Variants in CARS2 observed in about 807,000 individuals in gnomAD.
CARS2 encodes the protein cysteinyl-tRNA synthetase 2, mitochondrial.
CARS2 carries 52 observed loss-of-function variants against 68.8 expected under a neutral mutation model. The ratio of observed to expected loss-of-function variants is 0.76; its 90% CI spans 0.61 to 0.95. The LOEUF is 0.95. Ranked by LOEUF, CARS2 falls within the 40% of genes least tolerant of loss-of-function variation. The pLI, the probability that CARS2 is intolerant of heterozygous loss-of-function variation, is 0.00. For missense variants in CARS2, 780 were observed against 754.2 expected, an observed-to-expected ratio of 1.03 and a Z score of -0.40; for synonymous variants, 314 against 303.6, an observed-to-expected ratio of 1.03 and a Z score of -0.36.
chr13:110,701,302 G>T, intron 3 of CARS2, 136 bp downstream of exon 3: 1 of 597,952 alleles, frequency 1.7e-6, no homozygotes, highest in Non-Finnish European at 3.0e-6. Flanking sequence ...GACCTCAAGT[G>T]ATCCACCTGT....
intron 9 of CARS2, 82 bp from the exon 10 acceptor site, chr13:110,651,182 T>A: frequency 1.1e-6 from 1 of 933,472 alleles, no homozygotes. Flanking sequence ...TTTCTACAAT[T>A]ACATAAGTTA....
At chr13:110,683,783 G>A (rs1233050431) in intron 5 of CARS2, among the ~76,000 whole-genome samples, 1 of 152,200 alleles carries the variant, frequency 6.6e-6, no homozygotes, top group Non-Finnish European at 1.5e-5. Flanking sequence ...TTGGGAGTCC[G>A]AGGCAGGAGG....
At chr13:110,656,446 G>A (rs9670064) in intron 9 of CARS2, among the ~76,000 whole-genome samples, 8,137 of 152,248 alleles carry the variant, frequency 0.053, 276 homozygotes, top group East Asian at 0.12. Flanking sequence ...CTTTAGTGGG[G>A]TGCAGTCCAC....
At chr13:110,712,438 C>T (rs1258332507) in intron 1 of CARS2, 11 of 191,084 alleles carry the variant, frequency 5.8e-5, no homozygotes, top group South Asian at 3.6e-4. Flanking sequence ...GGGCGGAGGC[C>T]GAAGCCGAGG....
Position 110,641,439 on chromosome 13 carries a change from G to T in CARS2, c.*98C>A. ...CTGTTGGTTGCCTTACTTTAATGCT[G>T]ACCTAGCAGCCCCGACAGGAAGCTT... On this transcript the variant is annotated 3_prime_UTR_variant, in exon 15 of 15. Transcript: ENST00000257347. 1.0e-6 allele frequency: 1 copy of T among 999,216 alleles called. No homozygotes were observed. Among genetic ancestry groups the T allele is most frequent in the South Asian group, 1.3e-5 (1 of 77,686 alleles). The allele number at this position is 999,216 out of a possible 1,614,324, so 61.9% of individuals were successfully genotyped here.
Position 110,641,496 on chromosome 13 carries a change from G to T in CARS2, c.*41C>A. The T allele has an allele frequency of 1.3e-6, 2 of 1,485,102 alleles. No homozygotes were observed. Among genetic ancestry groups the T allele is most frequent in the Non-Finnish European group, 1.9e-6 (2 of 1,062,126 alleles). 92.0% of individuals were successfully genotyped at this position (1,485,102 alleles called of 1,614,324 possible). On this transcript the variant is annotated 3_prime_UTR_variant, in exon 15 of 15. Transcript: ENST00000257347. ...AAAGCCTTGACCCTGAGAAGCATGGGTGCGTCTTGTCGTGAGCAGGTTCAT... is the reference window on the plus strand; with the variant it reads ...AAAGCCTTGACCCTGAGAAGCATGGTTGCGTCTTGTCGTGAGCAGGTTCAT...
chr13:110,675,200 A>G (rs2062911493), intron 7 of CARS2, among the ~76,000 whole-genome samples: 1 of 152,234 alleles, frequency 6.6e-6, no homozygotes, highest in African/African-American at 2.4e-5. Context: ...CAGCCATCCC[A>G]TTACTGGATA....
chr13:110,678,789 G>T (rs2063048518), intron 6 of CARS2, among the ~76,000 whole-genome samples: 1 of 152,140 alleles, frequency 6.6e-6, no homozygotes, highest in African/African-American at 2.4e-5. Flanking sequence ...AAACTGCTGG[G>T]GAATGAGCTT....
In CARS2 at chr13:110,686,238, C is replaced by T. The variant is rs986704654; in HGVS notation, c.571+1483G>A. ...CTGATGCGACAGAACATCTGCAACT[C>T]ACGCTTTTTTTTTTTTTTTTTGAGA... On this transcript the variant is annotated intron_variant, in intron 5 of 14. Coordinates refer to ENST00000257347, the MANE Select transcript of CARS2 (RefSeq NM_024537.4). Among the ~76,000 whole-genome samples the T allele has an allele frequency of 7.0e-5, 9 of 127,682 alleles. No individual in the cohort carries two copies. The East Asian group carries it at 2.1e-3, about 30-fold the overall frequency. 83.8% of individuals were successfully genotyped at this position (127,682 alleles called of 152,430 possible). A position where few individuals can be genotyped will look rare whatever the true frequency, so the allele number is the denominator to read the frequency against.
intron 10 of CARS2, chr13:110,649,058 G>A (rs1197398190): frequency 2.0e-5 from 3 of 152,244 alleles, no homozygotes; most frequent in Non-Finnish European, 2.9e-5. Flanking sequence ...CAGCAACACG[G>A]AGCCAGGCGG....
At chr13:110,691,840 G>A (rs2063467653) in intron 3 of CARS2, among the ~76,000 whole-genome samples, 1 of 151,836 alleles carries the variant, frequency 6.6e-6, no homozygotes, top group South Asian at 2.1e-4. Context: ...GGGTTAGGGG[G>A]TGCAGGGAGG....
intron 6 of CARS2, among the ~76,000 whole-genome samples, chr13:110,680,121 G>A (rs1199071623): frequency 7.3e-6 from 1 of 137,182 alleles, no homozygotes. Context: ...GGCTCACACC[G>A]ATAACCCCAG....
In CARS2 at chr13:110,651,001, G is replaced by T. The variant is rs768436798; in HGVS notation, c.1054+33C>A. The T allele has an allele frequency of 6.9e-5, 106 of 1,532,436 alleles. 1 individual carries two copies. The highest frequency in any genetic ancestry group is 4.5e-4 in the East Asian group (20 of 44,116). 94.9% of individuals were successfully genotyped at this position (1,532,436 alleles called of 1,614,324 possible). A position where few individuals can be genotyped will look rare whatever the true frequency, so the allele number is the denominator to read the frequency against. On this transcript the variant is annotated intron_variant, in intron 10 of 14. Transcript: ENST00000257347. The stretch of plus-strand genomic sequence containing the variant: ...GTCAGAATGACTGTCTCCGAGCTGG[G>T]GGGGGAGTCCACTCCACGTGTGCTC...
intron 2 of CARS2, 98 bp from the exon 3 acceptor site, chr13:110,701,653 C>G: frequency 1.4e-6 from 1 of 724,368 alleles, no homozygotes; most frequent in Non-Finnish European, 2.5e-6. Context: ...TCCATAACTT[C>G]TACTGTGTAG....
intron 1 of CARS2, chr13:110,712,580 G>T (rs1433594667): frequency 3.7e-5 from 13 of 351,262 alleles, no homozygotes; most frequent in Non-Finnish European, 2.2e-5. Context: ...GGGCTCGCGT[G>T]GCGTCCAGGC....
intron 8 of CARS2, chr13:110,666,923 A>T (rs1204946530): frequency 1.0e-6 from 1 of 985,358 alleles, no homozygotes; most frequent in Non-Finnish European, 1.2e-6. Flanking sequence ...TTCTGAGAGC[A>T]GACAGCTGGG....
In CARS2 at chr13:110,705,602, A is replaced by C; in HGVS notation, c.225-31T>G. 1 of 1,596,288 alleles carries C rather than the reference A, an allele frequency of 6.3e-7. No individual in the cohort carries two copies. The highest frequency in any genetic ancestry group is 1.1e-5 in the South Asian group (1 of 90,708). ...AACAAAGTTAAAATCCATCGTGTGG[A>C]ACATATTTGCAAGAAAGGACATTCG... is the stretch of plus-strand genomic sequence containing the variant. On this transcript the variant is annotated intron_variant, in intron 1 of 14. Coordinates refer to ENST00000257347, the MANE Select transcript of CARS2 (RefSeq NM_024537.4). This position sits in a 1 kb window ranked among gnomAD's most constrained non-coding sequence, Gnocchi z 4.0.
intron 4 of CARS2, 48 bp from the exon 5 acceptor site, chr13:110,687,874 G>A (rs2063348473): frequency 6.4e-7 from 1 of 1,561,754 alleles, no homozygotes; most frequent in Non-Finnish European, 8.8e-7. Flanking sequence ...GAGAAGCACA[G>A]GTCAGCCAGC....
intron 2 of CARS2, among the ~76,000 whole-genome samples, chr13:110,704,855 T>C (rs919760113): frequency 3.3e-5 from 5 of 152,168 alleles, no homozygotes; most frequent in African/African-American, 1.2e-4. Flanking sequence ...ATTTTGGAAA[T>C]GTACAAAATA....
Sources: gnomAD v4.1 joint callset for allele counts (sites outside exome capture counted in the v4.1 genomes callset) on GRCh38, gnomAD v4.1.1 for gene constraint, Gnocchi (gnomAD v3.1) non-coding constraint, MANE v1.5 for transcripts, NCBI Gene and HGNC (gene_info 2026-07-23, HGNC 2026-07-21) for gene names.